MIB1: variants seen among roughly 807,000 people sequenced by gnomAD.
MIB1 encodes the protein E3 ubiquitin-protein ligase MIB1.
In MIB1, 278 loss-of-function variants were observed where a neutral mutation model predicts 124.5. The ratio of observed to expected loss-of-function variants is 2.23; its 90% CI spans 2.02 to 2.47. The LOEUF is 2.47. Among genes scored for constraint, MIB1 ranks in the 30% most tolerant of loss-of-function variants. MIB1 has a pLI of 0.00. For synonymous variants in MIB1, 446 were observed against 429.4 expected, an observed-to-expected ratio of 1.04 and a Z score of -0.48; for missense variants, 957 against 1,254.4, an observed-to-expected ratio of 0.76 and a Z score of 3.58.
At chr18:21,748,420 T>C (rs1598590045) in intron 1 of MIB1, among the ~76,000 whole-genome samples, 1 of 113,534 alleles carries the variant, frequency 8.8e-6, no homozygotes, top group African/African-American at 3.5e-5. Context: ...TCTCCCTCTT[T>C]CCCCCCTTCT....
In MIB1 at chr18:21,771,442, G is replaced by A. The variant is rs2041223034; in HGVS notation, c.532-2182G>A. ...CACATTTTTTAAAACAAATGAAGTT[G>A]AATCTGAATATATTAGAATCAGAAG... On this transcript the variant is annotated intron_variant, in intron 3 of 20. Transcript: ENST00000261537. Among the ~76,000 whole-genome samples, 3 of 152,152 alleles carry A rather than the reference G, an allele frequency of 2.0e-5. No individual in the cohort carries two copies. The South Asian group carries it at 6.2e-4, about 32-fold the overall frequency.
intron 20 of MIB1, among the ~76,000 whole-genome samples, chr18:21,860,161 C>T (rs372748097): frequency 6.6e-5 from 8 of 121,066 alleles, no homozygotes; most frequent in African/African-American, 9.9e-5. Flanking sequence ...AGTGCAGTGG[C>T]GCAATCTTGG....
intron 11 of MIB1, among the ~76,000 whole-genome samples, chr18:21,816,977 G>T (rs2146476221): frequency 6.6e-6 from 1 of 152,062 alleles, no homozygotes; most frequent in African/African-American, 2.4e-5. Flanking sequence ...TCTGTTGAGA[G>T]TGGTGGGTAG....
chr18:21,802,011 A>G (rs1263246072), intron 9 of MIB1, among the ~76,000 whole-genome samples: 1 of 152,136 alleles, frequency 6.6e-6, no homozygotes, highest in East Asian at 1.9e-4. Flanking sequence ...GAAAGGATGC[A>G]TGGGAAATAG....
intron 10 of MIB1, among the ~76,000 whole-genome samples, chr18:21,815,034 T>A (rs1409055065): frequency 8.5e-6 from 1 of 117,430 alleles, no homozygotes; most frequent in Admixed American, 7.9e-5. Context: ...TATATATATA[T>A]ATATATATAT....
chr18:21,866,963 A>G lies in MIB1; in HGVS notation c.*2297A>G, dbSNP rs907456029. 1.8e-4 allele frequency: 28 copies of G among 152,002 alleles called. No homozygotes were observed. Among genetic ancestry groups the G allele is most frequent in the African/African-American group, 6.8e-4 (28 of 41,182 alleles). 9.4% of individuals were successfully genotyped at this position (152,002 alleles called of 1,614,324 possible). On this transcript the variant is annotated 3_prime_UTR_variant, in exon 21 of 21. Transcript: ENST00000261537. ...TCATCATTTCAGTGACTTTCCTCCA[A>G]CTCTCTGAATCTGCTACCTCTTATT...
chr18:21,706,976 C>T (rs1386866291), intron 1 of MIB1, among the ~76,000 whole-genome samples: 1 of 152,208 alleles, frequency 6.6e-6, no homozygotes, highest in Non-Finnish European at 1.5e-5. Context: ...CAGCTGGGCT[C>T]CTGAGTCTAG....
At chr18:21,782,374 T>C (rs1414037020) in intron 6 of MIB1, among the ~76,000 whole-genome samples, 1 of 152,190 alleles carries the variant, frequency 6.6e-6, no homozygotes, top group Non-Finnish European at 1.5e-5. Context: ...CCGCCCACCT[T>C]GGCCTCCCAA....
At chr18:21,801,791 T>C (rs1378737117) in intron 9 of MIB1, among the ~76,000 whole-genome samples, 1 of 152,172 alleles carries the variant, frequency 6.6e-6, no homozygotes, top group African/African-American at 2.4e-5. Flanking sequence ...TTTCATCTTC[T>C]GGGAGACATT....
intron 8 of MIB1, 104 bp from the exon 9 acceptor site, chr18:21,799,737 G>GA (rs1951160158): frequency 1.8e-6 from 2 of 1,134,466 alleles, no homozygotes; most frequent in East Asian, 5.1e-5. Flanking sequence ...ATGATGGAAA[G>GA]AATAAAATAG....
chr18:21,831,462 CT>C, intron 12 of MIB1: 1 of 152,246 alleles, frequency 6.6e-6, no homozygotes, highest in African/African-American at 2.4e-5. Context: ...GAAACATGCA[CT>C]CCCAGGCAAA....
At chr18:21,856,805 A>G (rs188278344) in intron 18 of MIB1, among the ~76,000 whole-genome samples, 2 of 152,326 alleles carry the variant, frequency 1.3e-5, no homozygotes, top group East Asian at 1.9e-4. Context: ...TGTCAATAGT[A>G]TCTCTCTCCT....
At chr18:21,751,708 CTTCTT>C (rs1246295124) in intron 1 of MIB1, among the ~76,000 whole-genome samples, 2 of 149,872 alleles carry the variant, frequency 1.3e-5, no homozygotes, top group African/African-American at 4.9e-5. Flanking sequence ...CTTTTCTTCC[CTTCTT>C]TTCTTTCTTT....
intron 1 of MIB1, among the ~76,000 whole-genome samples, chr18:21,748,491 G>A (rs1328578311): frequency 1.3e-5 from 2 of 150,114 alleles, no homozygotes; most frequent in Non-Finnish European, 3.0e-5. Context: ...GTGCAGTGGT[G>A]CAGTCTTGGC....
chr18:21,722,841 T>C (rs372196399), intron 1 of MIB1, among the ~76,000 whole-genome samples: 1 of 152,118 alleles, frequency 6.6e-6, no homozygotes. Flanking sequence ...CCTATGAAGG[T>C]GTACCTAATA....
At chr18:21,764,562 T>C (rs1197225850) in intron 1 of MIB1, among the ~76,000 whole-genome samples, 1 of 152,208 alleles carries the variant, frequency 6.6e-6, no homozygotes, top group African/African-American at 2.4e-5. Context: ...GTTGTGAGAA[T>C]GAAAGGGCTC....
In MIB1 at chr18:21,756,609, C is replaced by T. The variant is rs2041034551; in HGVS notation, c.230-9163C>T. Among the ~76,000 whole-genome samples, 3 of 152,026 alleles carry T rather than the reference C, an allele frequency of 2.0e-5. No individual in the cohort carries two copies. In the South Asian group the frequency reaches 6.2e-4, roughly 32 times the overall value. ...CCTCCCAGGTAGCTGGGATCACAGGCGTACACCACCGTGGCCGGCAAATTT... is the reference window on the plus strand; with the variant it reads ...CCTCCCAGGTAGCTGGGATCACAGGTGTACACCACCGTGGCCGGCAAATTT... On this transcript the variant is annotated intron_variant, in intron 1 of 20. Coordinates refer to ENST00000261537, the MANE Select transcript of MIB1 (RefSeq NM_020774.4).
intron 6 of MIB1, 40 bp from the exon 7 acceptor site, chr18:21,791,334 G>T: frequency 6.6e-7 from 1 of 1,516,736 alleles, no homozygotes; most frequent in South Asian, 1.3e-5. Context: ...TTAAAATTAA[G>T]CAAAGCTACC....
chr18:21,826,682 T>A (rs1332846008), intron 12 of MIB1: 1 of 152,046 alleles, frequency 6.6e-6, no homozygotes, highest in East Asian at 1.9e-4. Flanking sequence ...TTGAGAGGGG[T>A]GTCTTCTTGC....
Sources: gnomAD v4.1 joint callset for allele counts (sites outside exome capture counted in the v4.1 genomes callset) on GRCh38, gnomAD v4.1.1 for gene constraint, MANE v1.5 for transcripts, NCBI Gene and HGNC (gene_info 2026-07-23, HGNC 2026-07-21) for gene names.